Variants in AGGF1 observed in about 807,000 individuals in gnomAD.
The protein encoded by AGGF1 is angiogenic factor with G-patch and FHA domains 1.
Under a neutral mutation model 86.5 loss-of-function variants are expected in AGGF1, and 56 were observed. The ratio of observed to expected loss-of-function variants is 0.65; its 90% CI spans 0.52 to 0.81. AGGF1 has a LOEUF of 0.81. Among genes scored for constraint, AGGF1 ranks in the 30% least tolerant of loss-of-function variants. The pLI is 0.00. For synonymous variants in AGGF1, 313 were observed against 297.1 expected (o/e 1.05, Z -0.55); for missense variants, 816 against 850.9 (o/e 0.96, Z 0.51).
rs80133945 is a variant in AGGF1, at chr5:77,061,699, A to G, written c.1845-4A>G. The G allele has an allele frequency of 3.4e-3, 5,493 of 1,608,320 alleles. 144 individuals are homozygous for G. In the African/African-American group the frequency reaches 0.058, roughly 17 times the overall value. On this transcript the variant is annotated splice_polypyrimidine_tract_variant and splice_region_variant and intron_variant, in intron 12 of 13. Coordinates refer to ENST00000312916, the MANE Select transcript of AGGF1 (RefSeq NM_018046.5). ...ATCAACTATCATTTTAATATTCCTT[A>G]AAGTGAAATTACTGATAGCAACAAA...
At position 77,030,475 on chromosome 5, in the gene AGGF1, A is replaced by G. The variant is rs1181907823; in HGVS notation, c.-292A>G. 1.2e-5 allele frequency: 7 copies of G among 608,374 alleles called. 1 individual carries two copies. Among genetic ancestry groups the G allele is most frequent in the East Asian group, 1.1e-4 (3 of 28,442 alleles). 37.7% of individuals were successfully genotyped at this position (608,374 alleles called of 1,614,324 possible). A position where few individuals can be genotyped will look rare whatever the true frequency, so the allele number is the denominator to read the frequency against. On this transcript the variant is annotated 5_prime_UTR_variant, in exon 1 of 14. Coordinates refer to ENST00000312916, the MANE Select transcript of AGGF1 (RefSeq NM_018046.5). Reference sequence around the variant, plus strand: ...CTCTGGTTTTCCGACTGCTTATCCGACGCTCCTCCCTCTGTCTCTGTAGCT... The same window carrying G: ...CTCTGGTTTTCCGACTGCTTATCCGGCGCTCCTCCCTCTGTCTCTGTAGCT...
chr5:77,032,944 T>A (rs953902260), intron 1 of AGGF1, among the ~76,000 whole-genome samples: 38 of 152,356 alleles, frequency 2.5e-4, no homozygotes, highest in African/African-American at 9.1e-4. Context: ...TAAATGTTAA[T>A]GCCTCTTATA....
rs146259074 is a variant in AGGF1, at chr5:77,036,668, A to T, written c.629A>T (p.Asp210Val). 2.5e-6 allele frequency: 4 copies of T among 1,613,482 alleles called. No homozygotes were observed. The highest frequency in any genetic ancestry group is 2.2e-5 in the East Asian group (1 of 44,886). Reference protein sequence around the residue: ...AAVSQTGFSYDENTGLYFDHS... With the variant: ...AAVSQTGFSYVENTGLYFDHS... ...GTATCACAGACTGGATTTAGTTATGATGAAAATACTGGACTGTATTTTGAC... is the reference window on the plus strand; with the variant it reads ...GTATCACAGACTGGATTTAGTTATGTTGAAAATACTGGACTGTATTTTGAC... Residue 210 changes from aspartate (D) to valine (V), a missense_variant, in exon 4 of 14, where the codon GAT (aspartate) becomes GTT (valine). Asp to Val is a radical substitution (Grantham distance 152, BLOSUM62 -3). Coordinates refer to ENST00000312916, the MANE Select transcript of AGGF1 (RefSeq NM_018046.5).
At chr5:77,050,018 T>C (rs1238018228) in intron 8 of AGGF1, among the ~76,000 whole-genome samples, 3 of 152,158 alleles carry the variant, frequency 2.0e-5, no homozygotes, top group East Asian at 1.9e-4. Context: ...GTAGATTTTA[T>C]GTGATGTTTG....
At chr5:77,049,659 C>T (rs1292389489) in intron 8 of AGGF1, among the ~76,000 whole-genome samples, 1 of 151,550 alleles carries the variant, frequency 6.6e-6, no homozygotes, top group Admixed American at 6.6e-5. Flanking sequence ...AAGCAATCCT[C>T]CCGCCTCAGC....
chr5:77,063,175 A>G lies in AGGF1; in HGVS notation c.2068A>G (p.Thr690Ala). Reference protein sequence around the residue: ...KNWDKARERFTENFPETKPQK... With the variant: ...KNWDKARERFAENFPETKPQK... ...CTGGGACAAAGCACGAGAGCGGTTT[A>G]CTGAAAACTTCCCAGAAACTAAGCC... The change falls in exon 14 of 14, where the codon ACT (threonine) becomes GCT (alanine). Residue 690 changes from threonine (T) to alanine (A), a missense_variant. Around this residue, in one of 3 missense-constraint regions of AGGF1, gnomAD observed 565 missense variants for 585.8 expected, o/e 0.96. Transcript: ENST00000312916. 1.9e-6 allele frequency: 3 copies of G among 1,614,052 alleles called. No homozygotes were observed. The highest frequency in any genetic ancestry group is 1.7e-6 in the Non-Finnish European group (2 of 1,179,948).
rs1746833082 is a variant in AGGF1 at position 77,030,852 on chromosome 5, TGGA to T, written c.88_90del (p.Glu30del). 1.2e-6 allele frequency: 2 copies of T among 1,612,448 alleles called. No individual in the cohort carries two copies. The highest frequency in any genetic ancestry group is 1.7e-6 in the Non-Finnish European group (2 of 1,179,860). ...GAGCTGGCCCAGCTAAGGCGGAAGG[TGGA>T]GAAGTTGGAACGTGAACTGCGGAGC... is the stretch of plus-strand genomic sequence containing the variant. On this transcript the variant is annotated inframe_deletion, in exon 1 of 14. Transcript: ENST00000312916.
chr5:77,052,585 T>C, intron 8 of AGGF1, 121 bp from the exon 9 acceptor site: 1 of 665,500 alleles, frequency 1.5e-6, no homozygotes, highest in East Asian at 2.8e-5. Context: ...TCTAAAAAAG[T>C]ATTAAGTATA....
rs11355114 is a variant in AGGF1, at chr5:77,045,064, C to CAA, written c.871-1269_871-1268dup. On this transcript the variant is annotated intron_variant, in intron 5 of 13. Coordinates refer to ENST00000312916, the MANE Select transcript of AGGF1 (RefSeq NM_018046.5). ...TGGGCGACAGAGCGAGACTCCGTCTCAAAAAAAAAAAAAAAGAAAGAAAGG... is the reference window on the plus strand; with the variant it reads ...TGGGCGACAGAGCGAGACTCCGTCTCAAAAAAAAAAAAAAAAAGAAAGAAAGG... 2.5e-3 allele frequency among the ~76,000 whole-genome samples: 220 copies of CAA among 86,574 alleles called. 2 individuals carry two copies. Among genetic ancestry groups the CAA allele is most frequent in the African/African-American group, 8.6e-3 (212 of 24,564 alleles). 56.8% of individuals were successfully genotyped at this position (86,574 alleles called of 152,430 possible). A position where few individuals can be genotyped will look rare whatever the true frequency, so the allele number is the denominator to read the frequency against.
chr5:77,033,500 C>T (rs980775204), intron 1 of AGGF1, among the ~76,000 whole-genome samples: 10 of 152,100 alleles, frequency 6.6e-5, no homozygotes, highest in Non-Finnish European at 8.8e-5. Flanking sequence ...CAATCAGGCT[C>T]CTAGGGCGAG....
intron 9 of AGGF1, 115 bp downstream of exon 9, chr5:77,052,922 T>G (rs1428163631): frequency 1.6e-5 from 14 of 849,320 alleles, no homozygotes; most frequent in Non-Finnish European, 2.7e-5. Context: ...AGCCCAAATG[T>G]GTTACTTCGG....
chr5:77,035,747 A>G lies in AGGF1; in HGVS notation c.516+4A>G, dbSNP rs1263841186. ...CCATTTTGCCTCAAATTCACAGGTA[A>G]TAAAATGCTAAACATGAAACTGTTG... On this transcript the variant is annotated splice_donor_region_variant and intron_variant, in intron 3 of 13. Coordinates refer to ENST00000312916, the MANE Select transcript of AGGF1 (RefSeq NM_018046.5). 1.2e-6 allele frequency: 2 copies of G among 1,610,672 alleles called. No homozygotes were observed. Among genetic ancestry groups the G allele is most frequent in the Non-Finnish European group, 1.7e-6 (2 of 1,177,130 alleles).
At position 77,063,040 on chromosome 5, in the gene AGGF1, T is replaced by G. The variant is rs767905565; in HGVS notation, c.1945-12T>G. 1.2e-6 allele frequency: 2 copies of G among 1,613,990 alleles called. No homozygotes were observed. The highest frequency in any genetic ancestry group is 1.7e-6 in the Non-Finnish European group (2 of 1,179,930). On this transcript the variant is annotated splice_polypyrimidine_tract_variant and intron_variant, in intron 13 of 13. Coordinates refer to ENST00000312916, the MANE Select transcript of AGGF1 (RefSeq NM_018046.5). ...CTCTAAAATAAGTCCTCTGCTCAAC[T>G]TTTGGTAACAGATCCAGCTTCAGCT...
In AGGF1 at chr5:77,030,532, T is replaced by G; in HGVS notation, c.-235T>G. ...GGTAGTTTCCAGGAAAGTTTTCCGG[T>G]TTGCAGGCCGCGCACATCGGGCAGG... On this transcript the variant is annotated 5_prime_UTR_variant, in exon 1 of 14. Coordinates refer to ENST00000312916, the MANE Select transcript of AGGF1 (RefSeq NM_018046.5). 1.5e-6 allele frequency: 1 copy of G among 689,144 alleles called. No individual in the cohort carries two copies. Among genetic ancestry groups the G allele is most frequent in the Non-Finnish European group, 2.6e-6 (1 of 377,504 alleles). 42.7% of individuals were successfully genotyped at this position (689,144 alleles called of 1,614,324 possible).
chr5:77,030,450 C>G lies in AGGF1; in HGVS notation c.-317C>G, dbSNP rs768858867. 3.6e-6 allele frequency: 2 copies of G among 557,054 alleles called. No homozygotes were observed. The highest frequency in any genetic ancestry group is 4.3e-5 in the East Asian group (1 of 23,498). 34.5% of individuals were successfully genotyped at this position (557,054 alleles called of 1,614,324 possible). A position where few individuals can be genotyped will look rare whatever the true frequency, so the allele number is the denominator to read the frequency against. The stretch of plus-strand genomic sequence containing the variant: ...GGGGAGCTGCTGGAGCTCTTCTGGC[C>G]TCTGGTTTTCCGACTGCTTATCCGA... On this transcript the variant is annotated 5_prime_UTR_variant, in exon 1 of 14. Coordinates refer to ENST00000312916, the MANE Select transcript of AGGF1 (RefSeq NM_018046.5).
intron 5 of AGGF1, among the ~76,000 whole-genome samples, chr5:77,040,807 C>G (rs1056863288): frequency 1.3e-5 from 2 of 152,138 alleles, no homozygotes; most frequent in Non-Finnish European, 2.9e-5. Flanking sequence ...CCTGTCCTTT[C>G]CTGTCCTATC....
chr5:77,046,285 T>A, intron 5 of AGGF1, 62 bp from the exon 6 acceptor site: 1 of 1,341,264 alleles, frequency 7.5e-7, no homozygotes, highest in Non-Finnish European at 1.1e-6. Flanking sequence ...TGTAATGTTA[T>A]AAGATAGTGA....
chr5:77,045,514 G>T (rs970838806), intron 5 of AGGF1, among the ~76,000 whole-genome samples: 1 of 152,130 alleles, frequency 6.6e-6, no homozygotes, highest in Non-Finnish European at 1.5e-5. Flanking sequence ...AATAATAAAA[G>T]ACTTATGCCA....
At chr5:77,038,387 G>T (rs73764632) in intron 4 of AGGF1, among the ~76,000 whole-genome samples, 3,643 of 152,206 alleles carry the variant, frequency 0.024, 69 homozygotes, top group African/African-American at 0.054. Flanking sequence ...TGGTTAGTAC[G>T]TTCTGCAGGT....
Sources: allele counts gnomAD v4.1 joint callset (sites outside exome capture counted in the v4.1 genomes callset), GRCh38; gene constraint gnomAD v4.1.1; regional missense constraint gnomAD v4.1.1; transcripts MANE v1.5; gene names NCBI Gene and HGNC (gene_info 2026-07-23, HGNC 2026-07-21).